ARL17A: variants seen among roughly 807,000 people sequenced by gnomAD.
ARL17A encodes ADP-ribosylation factor-like 17-like.
intron 4 of ARL17A, among the ~76,000 whole-genome samples, chr17:46,533,832 G>A (rs1357566715): frequency 1.1e-5 from 1 of 94,450 alleles, no homozygotes; most frequent in African/African-American, 6.2e-5. Flanking sequence ...GCAGATTCAC[G>A]TTAGTACTCC....
chr17:46,533,525 A>G (rs1469180000), intron 4 of ARL17A, among the ~76,000 whole-genome samples: 1 of 140,084 alleles, frequency 7.1e-6, no homozygotes. Flanking sequence ...ATTTTGGGAC[A>G]GAGTCTCACT....
At chr17:46,557,976 C>A (rs1343374743) in intron 3 of ARL17A, among the ~76,000 whole-genome samples, 3 of 131,700 alleles carry the variant, frequency 2.3e-5, no homozygotes, top group Non-Finnish European at 4.8e-5. Flanking sequence ...GGTCTGCAGG[C>A]CATATAGTAT....
downstream of ARL17A, among the ~76,000 whole-genome samples, chr17:46,525,642 A>C (rs2052637868): frequency 8.2e-6 from 1 of 122,618 alleles, no homozygotes; most frequent in African/African-American, 2.8e-5. Flanking sequence ...CATCATCATC[A>C]TCATCTAGCC....
intron 4 of ARL17A, among the ~76,000 whole-genome samples, chr17:46,531,924 GTCTTATCGTTTTGGC>G (rs1278781354): frequency 7.3e-6 from 1 of 137,438 alleles, no homozygotes; most frequent in Non-Finnish European, 1.5e-5. Flanking sequence ...TTGTGTAAGA[GTCTTATCGTTTTGGC>G]TCTTACATTT....
downstream of ARL17A, chr17:46,548,544 A>G (rs1450347633): frequency 1.4e-6 from 2 of 1,467,760 alleles, no homozygotes; most frequent in Admixed American, 1.9e-5. Context: ...TAGATGTGAA[A>G]TCACTGTTAC....
chr17:46,548,677 A>C (rs755167667), downstream of ARL17A: 6 of 1,608,110 alleles, frequency 3.7e-6, no homozygotes, highest in East Asian at 1.1e-4. Context: ...AAGGCACTTC[A>C]AAGAGGTAGG....
chr17:46,521,112 T>C (rs2052218669), intron 3 of ARL17A, among the ~76,000 whole-genome samples: 1 of 75,900 alleles, frequency 1.3e-5, no homozygotes, highest in African/African-American at 4.0e-5. Context: ...CTTCACTAAT[T>C]ACAAAATAAC....
At chr17:46,543,321 C>T (rs1279138841) in intron 3 of ARL17A, among the ~76,000 whole-genome samples, 1 of 150,422 alleles carries the variant, frequency 6.6e-6, no homozygotes, top group East Asian at 1.9e-4. Flanking sequence ...CTCAAGTATA[C>T]CTCAGGTCAT....
In ARL17A at chr17:46,529,525, A is replaced by G. The variant is rs2053343868; in HGVS notation, c.336-666T>C. 1.9e-5 allele frequency among the ~76,000 whole-genome samples: 2 copies of G among 105,336 alleles called. 1 individual carries two copies. The highest frequency in any genetic ancestry group is 4.4e-5 in the Non-Finnish European group (2 of 45,576). The allele number at this position is 105,336 out of a possible 152,430, so 69.1% of individuals were successfully genotyped here. On this transcript the variant is annotated intron_variant, in intron 4 of 4. Coordinates refer to the ARL17A transcript ENST00000329240. ...TCTACTGTGAATCTAAAAACACTCA[A>G]GGCTGGGCGCGCTGGCTCATGCCTG...
In ARL17A at chr17:46,542,550, C is replaced by T. The variant is rs1268712398; in HGVS notation, c.260-4124G>A. 2.4e-4 allele frequency among the ~76,000 whole-genome samples: 36 copies of T among 148,226 alleles called. 3 individuals are homozygous for T. The highest frequency in any genetic ancestry group is 9.4e-4 in the African/African-American group (36 of 38,324). Reference sequence around the variant, plus strand: ...AGATATAGATATATATATAAATCAGCCAGGTGTGGTGGCACACGCCTGTAG... The same window carrying T: ...AGATATAGATATATATATAAATCAGTCAGGTGTGGTGGCACACGCCTGTAG... On this transcript the variant is annotated intron_variant, in intron 3 of 4. Transcript: ENST00000329240.
chr17:46,569,029 G>A (rs1254861077), intron 3 of ARL17A, among the ~76,000 whole-genome samples: 31 of 113,558 alleles, frequency 2.7e-4, no homozygotes, highest in African/African-American at 9.5e-4. Context: ...TGCAACCTCC[G>A]CCTCCTGGGT....
chr17:46,548,787 G>A, downstream of ARL17A: 2 of 1,611,784 alleles, frequency 1.2e-6, no homozygotes, highest in East Asian at 2.2e-5. Flanking sequence ...AGGTGGAACA[G>A]CCCCACACAC....
chr17:46,550,578 G>A (rs762349620), downstream of ARL17A: 7 of 546,066 alleles, frequency 1.3e-5, no homozygotes, highest in East Asian at 1.9e-4. Flanking sequence ...TGTGGATTCA[G>A]AGCTCACAAA....
chr17:46,501,093 T>C, the ARL17A span, among the ~76,000 whole-genome samples: 117 of 151,440 alleles, frequency 7.7e-4, 8 homozygotes, highest in African/African-American at 2.8e-3. Context: ...TATCCCTGTG[T>C]TGCCCAGGCT....
At chr17:46,551,111 G>A (rs2056762488), downstream of ARL17A, among the ~76,000 whole-genome samples, 1 of 149,768 alleles carries the variant, frequency 6.7e-6, no homozygotes, top group Non-Finnish European at 1.5e-5. Context: ...TAGCCCTCCT[G>A]AGCCTAGACC....
chr17:46,545,754 CT>C (rs1233831771), intron 3 of ARL17A, among the ~76,000 whole-genome samples: 2 of 142,088 alleles, frequency 1.4e-5, no homozygotes, highest in African/African-American at 2.8e-5. Flanking sequence ...TGTTGTTATT[CT>C]TTTGAATGCT....
At chr17:46,542,747 G>C (rs1401017100) in intron 3 of ARL17A, among the ~76,000 whole-genome samples, 1 of 150,256 alleles carries the variant, frequency 6.7e-6, no homozygotes, top group African/African-American at 2.5e-5. Context: ...ATGTATGCCT[G>C]CGGGGCCCTA....
chr17:46,550,728 G>A (rs147180978), downstream of ARL17A, among the ~76,000 whole-genome samples: 1,711 of 133,508 alleles, frequency 0.013, 221 homozygotes, highest in African/African-American at 0.045. Flanking sequence ...AGATCTCTGT[G>A]AATTGAAACC....
chr17:46,502,951 G>A, the ARL17A span, among the ~76,000 whole-genome samples: 2 of 150,684 alleles, frequency 1.3e-5, no homozygotes, highest in South Asian at 2.1e-4. Context: ...GGTGGCTCAC[G>A]CCTGTAATCC....
Sources: allele counts gnomAD v4.1 joint callset (sites outside exome capture counted in the v4.1 genomes callset), GRCh38; gene constraint gnomAD v4.1.1; transcripts MANE v1.5; gene names NCBI Gene and HGNC (gene_info 2026-07-23, HGNC 2026-07-21).